The following NAGA variants were observed in gnomAD, a reference collection of about 807,000 sequenced individuals.
The protein encoded by NAGA is alpha-N-acetylgalactosaminidase, also known as Acetylgalactosaminidase, alpha-N- (alpha-galactosidase B).
In NAGA, 42 loss-of-function variants were observed where a neutral mutation model predicts 45.6. The observed-to-expected ratio is 0.92, with a 90% CI of 0.72 to 1.19. The LOEUF is 1.19. NAGA is among the 50% of genes most tolerant of loss of function. The probability of loss-of-function intolerance (pLI) is 0.00; values close to 1 mark genes in which losing one functional copy is unlikely to be tolerated. For missense variants in NAGA, 493 were observed against 544.8 expected, an observed-to-expected ratio of 0.90 and a Z score of 0.95; for synonymous variants, 176 against 203.1, an observed-to-expected ratio of 0.87 and a Z score of 1.13.
At chr22:42,068,877 T>G (rs563799453) in intron 1 of NAGA, among the ~76,000 whole-genome samples, 1 of 97,126 alleles carries the variant, frequency 1.0e-5, no homozygotes, top group South Asian at 3.0e-4. Flanking sequence ...CCCCATCAGC[T>G]CCTCCCATCC....
In NAGA at chr22:42,067,956, T is replaced by G; in HGVS notation, c.153-20A>C. 1 of 1,612,406 alleles carries G rather than the reference T, an allele frequency of 6.2e-7. No homozygotes were observed. Among genetic ancestry groups the G allele is most frequent in the South Asian group, 1.1e-5 (1 of 91,070 alleles). On this transcript the variant is annotated intron_variant, in intron 2 of 8. Coordinates refer to ENST00000396398, the MANE Select transcript of NAGA (RefSeq NM_000262.3). ...TGTTCACTAGTGAGGGGCAGAGGGA[T>G]GGGGTAGCTCAGGGACCCAGCCCGG...
chr22:42,068,616 C>T (rs1320355485), intron 1 of NAGA, 42 bp from the exon 2 acceptor site: 2 of 1,611,458 alleles, frequency 1.2e-6, no homozygotes, highest in Non-Finnish European at 8.5e-7. Context: ...ATCAGTTGCC[C>T]CCACAGCTCC....
chr22:42,065,694 G>A lies in NAGA; in HGVS notation c.759+44C>T, dbSNP rs528138721. Reference sequence around the variant, plus strand: ...GCACAGGGCAGTGGGGAGCAGGGTCGTCACAGATGGTGGGCCTAGGGACAT... The same window carrying A: ...GCACAGGGCAGTGGGGAGCAGGGTCATCACAGATGGTGGGCCTAGGGACAT... On this transcript the variant is annotated intron_variant, in intron 6 of 8. Coordinates refer to ENST00000396398, the MANE Select transcript of NAGA (RefSeq NM_000262.3). 3.0e-5 allele frequency: 49 copies of A among 1,611,444 alleles called. No individual in the cohort carries two copies. In the Middle Eastern group the frequency reaches 1.0e-3, roughly 34 times the overall value.
Position 42,067,118 on chromosome 22 carries a change from G to A in NAGA, c.497C>T (p.Ala166Val). 1 of 1,613,874 alleles carries A rather than the reference G, an allele frequency of 6.2e-7. No homozygotes were observed. The change falls in exon 4 of 9, where the codon GCC becomes GTC. Residue 166 changes from alanine to valine, a missense_variant. Ala to Val is a moderately conservative substitution (Grantham distance 64). Transcript: ENST00000396398. ...DGCFSTPEERAQGYPKMAAAL... is the reference protein window; with the variant it reads ...DGCFSTPEERVQGYPKMAAAL... Reference sequence around the variant, plus strand: ...CAGCCAGCTGCGTAACTCACCCTGGGCCCGCTCCTCGGGGGTGGAGAAGCA... The same window carrying A: ...CAGCCAGCTGCGTAACTCACCCTGGACCCGCTCCTCGGGGGTGGAGAAGCA...
At chr22:42,067,360 C>A in intron 3 of NAGA, 70 bp from the exon 4 acceptor site, 6 of 1,589,610 alleles carry the variant, frequency 3.8e-6, no homozygotes, top group Non-Finnish European at 5.2e-6. Context: ...CATATCTGAC[C>A]CCGTCCCATT....
chr22:42,068,522 C>T lies in NAGA; in HGVS notation c.69G>A (p.Leu23=). The T allele has an allele frequency of 6.2e-7, 1 of 1,614,176 alleles. No homozygotes were observed. The highest frequency in any genetic ancestry group is 8.5e-7 in the Non-Finnish European group (1 of 1,180,028). The change falls in exon 2 of 9, where the codon CTG becomes CTA. Residue 23 remains leucine, a synonymous_variant. Coordinates refer to ENST00000396398, the MANE Select transcript of NAGA (RefSeq NM_000262.3). ...AQVLMLDNGL[L]QTPPMGWLAW... ...CCAGCCAGCCCATGGGTGGTGTCTG[C>T]AGGAGCCCATTGTCCAGCATCAGCA... is the stretch of plus-strand genomic sequence containing the variant.
rs751171098 is a variant in NAGA, at chr22:42,067,767, A to AGCTGGG, written c.321_322insCCCAGC (p.Asp107_Tyr108insProSer). On this transcript the variant is annotated inframe_insertion, in exon 3 of 9. Coordinates refer to ENST00000396398, the MANE Select transcript of NAGA (RefSeq NM_000262.3). ...GGCAGGGCTGGGGTGCGGCTCACGT[A>AGCTGGG]GTCAGCCAGGAAAGGAATGCCATGA... 1 of 1,612,060 alleles carries AGCTGGG rather than the reference A, an allele frequency of 6.2e-7. No individual in the cohort carries two copies. Among genetic ancestry groups the AGCTGGG allele is most frequent in the South Asian group, 1.1e-5 (1 of 91,068 alleles).
Position 42,068,724 on chromosome 22 carries a change from G to T in NAGA, c.17-150C>A, listed in dbSNP as rs1926890612. On this transcript the variant is annotated intron_variant, in intron 1 of 8. Transcript: ENST00000396398. ...GACTCCTGGGTTTAGGGTAGAATTG[G>T]CTCTTCCTGCAATGGCTGGCTCTTG... 9.6e-6 allele frequency: 11 copies of T among 1,146,250 alleles called. No homozygotes were observed. In the South Asian group the frequency reaches 1.4e-4, roughly 15 times the overall value. The allele number at this position is 1,146,250 out of a possible 1,614,324, so 71.0% of individuals were successfully genotyped here. A position where few individuals can be genotyped will look rare whatever the true frequency, so the allele number is the denominator to read the frequency against.
chr22:42,064,428 C>T (rs1926595819), intron 6 of NAGA, among the ~76,000 whole-genome samples: 1 of 146,682 alleles, frequency 6.8e-6, no homozygotes, highest in African/African-American at 2.5e-5. Flanking sequence ...ATCATGAGGT[C>T]AGGAGTTTGA....
rs765754053 is a variant in NAGA at position 42,062,881 on chromosome 22, G to A, written c.903C>T (p.Leu301=). The A allele has an allele frequency of 1.2e-5, 20 of 1,614,094 alleles. No individual in the cohort carries two copies. The highest frequency in any genetic ancestry group is 2.2e-5 in the East Asian group (1 of 44,896). The change falls in exon 7 of 9, where the codon CTC becomes CTT. Residue 301 remains leucine (L), a synonymous_variant. Coordinates refer to ENST00000396398, the MANE Select transcript of NAGA (RefSeq NM_000262.3). Reference sequence around the variant, plus strand: ...AGGGATCCTGGTTGATTTTGATCATGAGTGGATTCTGCAGAATGTCCATGT... The same window carrying A: ...AGGGATCCTGGTTGATTTTGATCATAAGTGGATTCTGCAGAATGTCCATGT... ...AQNMDILQNP[L]MIKINQDPLG...
intron 6 of NAGA, among the ~76,000 whole-genome samples, chr22:42,065,452 A>G (rs555060581): frequency 6.6e-6 from 1 of 152,210 alleles, no homozygotes; most frequent in Non-Finnish European, 1.5e-5. Flanking sequence ...ATCTTATTCC[A>G]GGGTCACTAC....
At position 42,067,887 on chromosome 22, in the gene NAGA, G is replaced by T. The variant is rs373126624; in HGVS notation, c.202C>A (p.Arg68=). The change falls in exon 3 of 9, where the codon CGG becomes AGG. Residue 68 remains arginine, a synonymous_variant. Transcript: ENST00000396398. The part of the protein sequence containing the change: ...MADRMAQDGW[R]DMGYTYLNID... ...TTGAGGTATGTGTAGCCCATGTCCC[G>T]CCATCCATCCTGTGCCATCCGGTCA... 3.1e-6 allele frequency: 5 copies of T among 1,613,520 alleles called. No homozygotes were observed. Among genetic ancestry groups the T allele is most frequent in the African/African-American group, 1.3e-5 (1 of 74,922 alleles).
At position 42,067,114 on chromosome 22, in the gene NAGA, C is replaced by T; in HGVS notation, c.501G>A (p.Gln167=). The change falls in exon 4 of 9, where the codon CAG becomes CAA. Residue 167 remains glutamine, a splice_region_variant and synonymous_variant. Coordinates refer to ENST00000396398, the MANE Select transcript of NAGA (RefSeq NM_000262.3). ...GCFSTPEERA[Q]GYPKMAAALN... is the part of the protein sequence containing the mutation. ...GCCCCAGCCAGCTGCGTAACTCACC[C>T]TGGGCCCGCTCCTCGGGGGTGGAGA... is the stretch of plus-strand genomic sequence containing the variant. The T allele has an allele frequency of 6.2e-7, 1 of 1,613,930 alleles. No homozygotes were observed. The highest frequency in any genetic ancestry group is 8.5e-7 in the Non-Finnish European group (1 of 1,179,994).
rs771645171 is a variant in NAGA, at chr22:42,067,833, C to T, written c.256G>A (p.Asp86Asn). 1.9e-5 allele frequency: 31 copies of T among 1,612,180 alleles called. 1 individual carries two copies. The South Asian group carries it at 2.2e-4, about 11-fold the overall frequency. ...TCCGGCATCAGGCGGCCACTGGCAT[C>T]GCGACCACCGATCCAGCAGTCATCA... ...NIDDCWIGGRDASGRLMPDPK... is the reference protein window; with the variant it reads ...NIDDCWIGGRNASGRLMPDPK... The change falls in exon 3 of 9, where the codon GAT becomes AAT. Residue 86 changes from aspartate (D) to asparagine (N), a missense_variant. Asp to Asn is a conservative substitution (Grantham distance 23). Transcript: ENST00000396398.
Position 42,060,284 on chromosome 22 carries a change from G to A in NAGA, c.1231C>T (p.Gln411Ter). 1 of 1,613,398 alleles carries A rather than the reference G, an allele frequency of 6.2e-7. No individual in the cohort carries two copies. Among genetic ancestry groups the A allele is most frequent in the Non-Finnish European group, 8.5e-7 (1 of 1,179,978 alleles). The change falls in exon 9 of 9, where the codon CAG becomes TAG. Residue 411 changes from glutamine to a stop codon, truncating the protein, a stop_gained. Transcript: ENST00000396398. LOFTEE classifies it high-confidence loss of function. Reference protein sequence around the residue: ...YPIKNLEMSQQ With the variant: ...YPIKNLEMSQ ...CTGTCACATGTCCCAGCTCCTCACT[G>A]CTGGGACATCTCCAGGTTCTTGATG...
intron 2 of NAGA, among the ~76,000 whole-genome samples, chr22:42,068,228 C>G (rs143345653): frequency 6.6e-5 from 10 of 152,292 alleles, no homozygotes; most frequent in Non-Finnish European, 1.3e-4. Context: ...AAGGTCCCTG[C>G]CTCGTGACCA....
chr22:42,066,753 A>AAGGCGATG lies in NAGA; in HGVS notation c.546_553dup (p.Phe185SerfsTer19). The AAGGCGATG allele has an allele frequency of 6.2e-7, 1 of 1,607,458 alleles. No homozygotes were observed. ...TTCATAGGCTGGCCAGCTGCAGGAG[A>AAGGCGATG]AGGCGATGGGGCGGCCTGTGGCATT... On this transcript the variant is annotated frameshift_variant, in exon 5 of 9. Transcript: ENST00000396398. LOFTEE classifies it high-confidence loss of function.
chr22:42,067,069 C>A, intron 4 of NAGA, 44 bp downstream of exon 4: 1 of 1,610,782 alleles, frequency 6.2e-7, no homozygotes, highest in African/African-American at 1.3e-5. Flanking sequence ...TCCATGGCCA[C>A]CCTCCCCGTT....
chr22:42,064,570 G>A (rs1926611376), intron 6 of NAGA, among the ~76,000 whole-genome samples: 1 of 151,322 alleles, frequency 6.6e-6, no homozygotes, highest in Non-Finnish European at 1.5e-5. Context: ...GCTTGAACCT[G>A]GGAGGTGGAG....
Sources: allele counts gnomAD v4.1 joint callset (sites outside exome capture counted in the v4.1 genomes callset), GRCh38; gene constraint gnomAD v4.1.1; transcripts MANE v1.5; gene names NCBI Gene and HGNC (gene_info 2026-07-23, HGNC 2026-07-21).